Variants in UBR3 observed in about 807,000 individuals in gnomAD.
UBR3 encodes the protein ubiquitin protein ligase E3 component n-recognin 3.
In UBR3, 85 loss-of-function variants were observed where a neutral mutation model predicts 243.2. That is an observed-to-expected ratio of 0.35 (90% CI 0.29 to 0.42). The LOEUF (loss-of-function observed/expected upper bound fraction) is 0.42, where lower values mean the gene tolerates loss of function less well. UBR3 is among the 10% of genes least tolerant of loss of function. The probability of loss-of-function intolerance (pLI) is 1.00; values close to 1 mark genes in which losing one functional copy is unlikely to be tolerated. For synonymous variants in UBR3, 748 were observed against 799.8 expected (o/e 0.94, Z 1.09); for missense variants, 1,686 against 2,300.8 (o/e 0.73, Z 5.47).
At chr2:169,982,322 CAAG>C in intron 24 of UBR3, among the ~76,000 whole-genome samples, 1 of 151,882 alleles carries the variant, frequency 6.6e-6, no homozygotes. Flanking sequence ...AAACATGAAG[CAAG>C]AAGATTTTTG....
At chr2:170,001,230 G>A (rs2089683757) in intron 26 of UBR3, 74 bp from the exon 27 acceptor site, 3 of 1,049,592 alleles carry the variant, frequency 2.9e-6, no homozygotes, top group Admixed American at 1.9e-5. Flanking sequence ...AGAGGTTTAT[G>A]TGGACATACT....
intron 36 of UBR3, chr2:170,077,120 G>T (rs879089253): frequency 2.1e-5 from 9 of 438,902 alleles, no homozygotes; most frequent in South Asian, 1.3e-4. Context: ...TAAATCTCTT[G>T]ATTGCAGACA....
At chr2:169,836,718 T>G (rs959421380) in intron 1 of UBR3, among the ~76,000 whole-genome samples, 1 of 152,142 alleles carries the variant, frequency 6.6e-6, no homozygotes, top group African/African-American at 2.4e-5. Context: ...ACAAACATCT[T>G]TTTAAAATTT....
At chr2:169,899,466 T>A (rs2084726577) in intron 8 of UBR3, among the ~76,000 whole-genome samples, 1 of 152,192 alleles carries the variant, frequency 6.6e-6, no homozygotes, top group Admixed American at 6.5e-5. Context: ...TTATTATATA[T>A]TTAAAGACAG....
At chr2:169,879,523 C>T (rs2083743076) in intron 5 of UBR3, among the ~76,000 whole-genome samples, 1 of 152,124 alleles carries the variant, frequency 6.6e-6, no homozygotes, top group South Asian at 2.1e-4. Flanking sequence ...AGGAGTCTGA[C>T]TCTGGAATTA....
chr2:169,949,328 G>A (rs2105361176), intron 22 of UBR3, among the ~76,000 whole-genome samples: 1 of 152,036 alleles, frequency 6.6e-6, no homozygotes, highest in Admixed American at 6.6e-5. Flanking sequence ...TCTTTAATAT[G>A]GCTGTAGATA....
intron 24 of UBR3, among the ~76,000 whole-genome samples, chr2:169,981,204 A>G (rs1428226674): frequency 6.6e-6 from 1 of 152,152 alleles, no homozygotes; most frequent in Non-Finnish European, 1.5e-5. Flanking sequence ...GAGGTGGAAT[A>G]TAACTCCCCA....
rs777639899 is a variant in UBR3, at chr2:170,041,012, G to T, written c.4660+27G>T. On this transcript the variant is annotated intron_variant, in intron 32 of 38. Transcript: ENST00000272793. ...TATGTCTTTATAATTCAGATTCTTTGATTATATACTATGTATTTTGAATAT... is the reference window on the plus strand; with the variant it reads ...TATGTCTTTATAATTCAGATTCTTTTATTATATACTATGTATTTTGAATAT... The T allele has an allele frequency of 4.5e-6, 7 of 1,568,942 alleles. No individual in the cohort carries two copies. The East Asian group carries it at 1.4e-4, about 30-fold the overall frequency.
intron 1 of UBR3, among the ~76,000 whole-genome samples, chr2:169,863,581 A>ACTTCC (rs987771081): frequency 6.6e-6 from 1 of 152,188 alleles, no homozygotes; most frequent in African/African-American, 2.4e-5. Flanking sequence ...TGAATGTATT[A>ACTTCC]CTTCCTGCCT....
chr2:170,022,937 T>G (rs1410926921), intron 30 of UBR3, among the ~76,000 whole-genome samples: 1 of 152,062 alleles, frequency 6.6e-6, no homozygotes, highest in Non-Finnish European at 1.5e-5. Context: ...CTTTCCCATC[T>G]CTTCATGGCT....
At chr2:169,963,887 A>C (rs1189167161) in intron 24 of UBR3, among the ~76,000 whole-genome samples, 1 of 152,182 alleles carries the variant, frequency 6.6e-6, no homozygotes, top group Non-Finnish European at 1.5e-5. Context: ...CACCTTGTTA[A>C]CATTGTTCTG....
Position 169,914,053 on chromosome 2 carries a change from AT to A in UBR3, c.1780-3del. 1 of 1,407,570 alleles carries A rather than the reference AT, an allele frequency of 7.1e-7. No individual in the cohort carries two copies. Among genetic ancestry groups the A allele is most frequent in the Non-Finnish European group, 9.4e-7 (1 of 1,063,720 alleles). 87.2% of individuals were successfully genotyped at this position (1,407,570 alleles called of 1,614,324 possible). A position where few individuals can be genotyped will look rare whatever the true frequency, so the allele number is the denominator to read the frequency against. Reference sequence around the variant, plus strand: ...ATAAATTTATTATATATAACTTACTATTTTAGGAAACTCAAGAGTATACCCG... The same window carrying A: ...ATAAATTTATTATATATAACTTACTATTTAGGAAACTCAAGAGTATACCCG... On this transcript the variant is annotated splice_region_variant and splice_polypyrimidine_tract_variant and intron_variant, in intron 10 of 38. Transcript: ENST00000272793.
chr2:170,059,035 C>T (rs1021454832), intron 33 of UBR3, among the ~76,000 whole-genome samples: 1 of 152,142 alleles, frequency 6.6e-6, no homozygotes, highest in Non-Finnish European at 1.5e-5. Flanking sequence ...CCTTAGGATT[C>T]TTCTTATCTC....
intron 23 of UBR3, among the ~76,000 whole-genome samples, 194 bp from the exon 24 acceptor site, chr2:169,958,244 G>A (rs1186183796): frequency 6.6e-6 from 1 of 152,152 alleles, no homozygotes; most frequent in African/African-American, 2.4e-5. Context: ...AAACCAGTGA[G>A]TTTGTAACCT....
intron 24 of UBR3, among the ~76,000 whole-genome samples, chr2:169,971,951 C>G (rs1457599435): frequency 6.6e-6 from 1 of 151,936 alleles, no homozygotes; most frequent in Non-Finnish European, 1.5e-5. Flanking sequence ...CACAAAAAAC[C>G]CTTCAAAAAA....
intron 1 of UBR3, among the ~76,000 whole-genome samples, chr2:169,842,415 A>G (rs1426881066): frequency 1.3e-5 from 2 of 152,320 alleles, no homozygotes; most frequent in South Asian, 4.1e-4. Context: ...AGATAAGAGA[A>G]TAAAAGCAGG....
chr2:170,029,745 T>G (rs1363814683), intron 31 of UBR3, among the ~76,000 whole-genome samples: 1 of 152,052 alleles, frequency 6.6e-6, no homozygotes, highest in Non-Finnish European at 1.5e-5. Flanking sequence ...TTACAATTAG[T>G]GGATTCAAGT....
chr2:169,921,464 G>T (rs1046105506), intron 11 of UBR3, among the ~76,000 whole-genome samples: 2 of 152,140 alleles, frequency 1.3e-5, no homozygotes, highest in Non-Finnish European at 2.9e-5. Context: ...GACAAGGAAG[G>T]AATATGGACT....
intron 31 of UBR3, among the ~76,000 whole-genome samples, chr2:170,032,449 C>T (rs952032903): frequency 2.6e-5 from 4 of 152,076 alleles, no homozygotes; most frequent in African/African-American, 9.6e-5. Flanking sequence ...CAGATTTTGC[C>T]AGTTGTTGCA....
Sources: gnomAD v4.1 joint callset for allele counts (sites outside exome capture counted in the v4.1 genomes callset) on GRCh38, gnomAD v4.1.1 for gene constraint, MANE v1.5 for transcripts, NCBI Gene and HGNC (gene_info 2026-07-23, HGNC 2026-07-21) for gene names.